EEF1E1: variants seen among roughly 807,000 people sequenced by gnomAD.
EEF1E1 encodes the protein eukaryotic translation elongation factor 1 epsilon 1, also known as eukaryotic translation elongation factor 1 epsilon-1.
Under a neutral mutation model 19.9 loss-of-function variants are expected in EEF1E1, and 19 were observed. The observed-to-expected ratio is 0.95, with a 90% CI of 0.66 to 1.40. The LOEUF (loss-of-function observed/expected upper bound fraction) is 1.40. Ranked by LOEUF, EEF1E1 falls within the 40% of genes most tolerant of loss-of-function variation. EEF1E1 has a pLI of 0.00. For synonymous variants in EEF1E1, 81 were observed against 80.0 expected, an observed-to-expected ratio of 1.01 and a Z score of -0.07; for missense variants, 198 against 202.2, an observed-to-expected ratio of 0.98 and a Z score of 0.13.
intron 3 of EEF1E1, among the ~76,000 whole-genome samples, chr6:8,080,915 T>C (rs1757708121): frequency 2.6e-5 from 4 of 152,202 alleles, no homozygotes; most frequent in Admixed American, 1.3e-4. Context: ...AGCCTGCTTG[T>C]TGGGAGACAT....
chr6:8,079,489 T>A lies in EEF1E1; in HGVS notation c.*401A>T. On this transcript the variant is annotated 3_prime_UTR_variant, in exon 4 of 4. Transcript: ENST00000379715. ...CTTCCTTGGCACAATTTATCAGTTC[T>A]TAACAAACTACCATAAATATCCATA... The A allele has an allele frequency of 5.0e-6, 5 of 994,268 alleles. No individual in the cohort carries two copies. The highest frequency in any genetic ancestry group is 6.0e-6 in the Non-Finnish European group (5 of 834,446). 61.6% of individuals were successfully genotyped at this position (994,268 alleles called of 1,614,324 possible). A position where few individuals can be genotyped will look rare whatever the true frequency, so the allele number is the denominator to read the frequency against.
chr6:8,084,571 C>T (rs376517497), intron 3 of EEF1E1, among the ~76,000 whole-genome samples: 5 of 152,040 alleles, frequency 3.3e-5, no homozygotes, highest in African/African-American at 9.7e-5. Context: ...AATGACAGCC[C>T]GATGCTACAG....
At chr6:8,099,529 C>T (rs1456137989) in intron 1 of EEF1E1, among the ~76,000 whole-genome samples, 1 of 152,058 alleles carries the variant, frequency 6.6e-6, no homozygotes, top group African/African-American at 2.4e-5. Flanking sequence ...GGCGGATCAC[C>T]TGAGGTCGGG....
At position 8,101,244 on chromosome 6, in the gene EEF1E1, ATATATATATATATATATAT is replaced by A. The variant is rs1207314363; in HGVS notation, c.87+1172_87+1190del. 1.5e-3 allele frequency among the ~76,000 whole-genome samples: 61 copies of A among 41,634 alleles called. 11 individuals are homozygous for A. Among genetic ancestry groups the A allele is most frequent in the African/African-American group, 5.5e-3 (47 of 8,600 alleles). 27.3% of individuals were successfully genotyped at this position (41,634 alleles called of 152,430 possible). On this transcript the variant is annotated intron_variant, in intron 1 of 3. Transcript: ENST00000379715. The stretch of plus-strand genomic sequence containing the variant: ...TTGTCTCAAAAAAAAAAAAAAAAAA[ATATATATATATATATATAT>A]ATATATATATATATATATATGGCAC...
At chr6:8,102,123 G>C in intron 1 of EEF1E1, 1 of 1,305,320 alleles carries the variant, frequency 7.7e-7, no homozygotes, top group Non-Finnish European at 9.8e-7. Context: ...ATACATTCCA[G>C]GTTGGTCTAA....
chr6:8,101,246 AT>A (rs58628119), intron 1 of EEF1E1, among the ~76,000 whole-genome samples: 1,362 of 47,078 alleles, frequency 0.029, 92 homozygotes, highest in Middle Eastern at 0.061. Context: ...AAAAAAAAAT[AT>A]ATATATATAT....
intron 3 of EEF1E1, among the ~76,000 whole-genome samples, chr6:8,086,226 G>A (rs958642279): frequency 2.0e-5 from 3 of 152,074 alleles, no homozygotes; most frequent in African/African-American, 7.2e-5. Context: ...GCGGGGTGAG[G>A]GGAAACTAAA....
chr6:8,079,439 C>T lies in EEF1E1; in HGVS notation c.*451G>A, dbSNP rs1757672585. On this transcript the variant is annotated 3_prime_UTR_variant, in exon 4 of 4. Transcript: ENST00000379715. ...ACTAGCTCACATAAATATTTTAAAA[C>T]AAATCCATCTGTCTTCCCTTTTGGC... 12 of 988,978 alleles carry T rather than the reference C, an allele frequency of 1.2e-5. No individual in the cohort carries two copies. Among genetic ancestry groups the T allele is most frequent in the Non-Finnish European group, 1.4e-5 (12 of 831,768 alleles). The allele number at this position is 988,978 out of a possible 1,614,324, so 61.3% of individuals were successfully genotyped here.
chr6:8,095,833 A>G (rs1289211965), intron 2 of EEF1E1, among the ~76,000 whole-genome samples: 1 of 152,224 alleles, frequency 6.6e-6, no homozygotes, highest in Non-Finnish European at 1.5e-5. Context: ...TCATCTGTGC[A>G]TGTGGCCAAA....
chr6:8,102,368 C>A, intron 1 of EEF1E1, 67 bp downstream of exon 1: 1 of 1,496,824 alleles, frequency 6.7e-7, no homozygotes. Context: ...CGGCCCGGGT[C>A]CTGCCAGGGC....
intron 3 of EEF1E1, among the ~76,000 whole-genome samples, chr6:8,089,301 G>A (rs1757951727): frequency 6.6e-6 from 1 of 152,172 alleles, no homozygotes; most frequent in Non-Finnish European, 1.5e-5. Flanking sequence ...GATAAGCGGT[G>A]TATTAGTCAG....
chr6:8,089,999 T>C, intron 3 of EEF1E1, 187 bp downstream of exon 3: 1 of 409,112 alleles, frequency 2.4e-6, no homozygotes, highest in East Asian at 3.6e-5. Context: ...ATTATTATTA[T>C]ACTTTAAGTT....
chr6:8,079,416 T>C lies in EEF1E1; in HGVS notation c.*474A>G. The C allele has an allele frequency of 6.1e-6, 6 of 988,888 alleles. No individual in the cohort carries two copies. Among genetic ancestry groups the C allele is most frequent in the Non-Finnish European group, 6.0e-6 (5 of 831,680 alleles). The allele number at this position is 988,888 out of a possible 1,614,324, so 61.3% of individuals were successfully genotyped here. A position where few individuals can be genotyped will look rare whatever the true frequency, so the allele number is the denominator to read the frequency against. On this transcript the variant is annotated 3_prime_UTR_variant, in exon 4 of 4. Transcript: ENST00000379715. ...AAAATATTTTTTCAACCACATTTAC[T>C]AGCTCACATAAATATTTTAAAACAA...
intron 1 of EEF1E1, among the ~76,000 whole-genome samples, chr6:8,097,758 G>A (rs531631598): frequency 6.6e-6 from 1 of 152,194 alleles, no homozygotes; most frequent in East Asian, 1.9e-4. Context: ...TGTACAATGA[G>A]AGAAAATGGA....
chr6:8,084,068 G>A (rs1021003969), intron 3 of EEF1E1, among the ~76,000 whole-genome samples: 3 of 152,088 alleles, frequency 2.0e-5, no homozygotes, highest in African/African-American at 7.2e-5. Context: ...CTCATGATAG[G>A]AACCCAAAAG....
At chr6:8,089,532 A>C (rs1757959689) in intron 3 of EEF1E1, among the ~76,000 whole-genome samples, 1 of 152,170 alleles carries the variant, frequency 6.6e-6, no homozygotes. Flanking sequence ...AGGCTAAGCC[A>C]GTCTAATCTT....
Position 8,080,128 on chromosome 6 carries a change from A to T in EEF1E1, c.385-98T>A, listed in dbSNP as rs915381362. On this transcript the variant is annotated intron_variant, in intron 3 of 3. Coordinates refer to ENST00000379715, the MANE Select transcript of EEF1E1 (RefSeq NM_004280.5). ...AGGAGATAGAAGTTGAAAAACAACAACATCAATCCCCCAAGAGCTCTCAAA... is the reference window on the plus strand; with the variant it reads ...AGGAGATAGAAGTTGAAAAACAACATCATCAATCCCCCAAGAGCTCTCAAA... 6 of 1,352,922 alleles carry T rather than the reference A, an allele frequency of 4.4e-6. No homozygotes were observed. The Admixed American group carries it at 7.4e-5, about 17-fold the overall frequency. The allele number at this position is 1,352,922 out of a possible 1,614,324, so 83.8% of individuals were successfully genotyped here.
intron 1 of EEF1E1, chr6:8,101,703 T>C: frequency 1.7e-5 from 21 of 1,263,884 alleles, no homozygotes; most frequent in Non-Finnish European, 2.2e-5. Context: ...ATACATTCCT[T>C]CTACGACAAA....
At chr6:8,093,783 T>C (rs552775423) in intron 2 of EEF1E1, among the ~76,000 whole-genome samples, 4 of 151,518 alleles carry the variant, frequency 2.6e-5, no homozygotes, top group Non-Finnish European at 5.9e-5. Flanking sequence ...TTAATAATTG[T>C]ATTAAAAAAA....
Sources: allele counts gnomAD v4.1 joint callset (sites outside exome capture counted in the v4.1 genomes callset), GRCh38; gene constraint gnomAD v4.1.1; transcripts MANE v1.5; gene names NCBI Gene and HGNC (gene_info 2026-07-23, HGNC 2026-07-21).